DACH2: variants seen among roughly 807,000 people sequenced by gnomAD.
DACH2 encodes the protein dachshund homolog 2.
DACH2 carries 17 observed loss-of-function variants against 35.8 expected under a neutral mutation model. The observed-to-expected ratio is 0.48, with a 90% CI of 0.33 to 0.71. The LOEUF (loss-of-function observed/expected upper bound fraction) is 0.71, where lower values mean the gene tolerates loss of function less well. Ranked by LOEUF, DACH2 falls within the 30% of genes least tolerant of loss-of-function variation. DACH2 has a pLI of 0.02. For synonymous variants in DACH2, 195 were observed against 177.3 expected (o/e 1.10, Z -0.79); for missense variants, 469 against 472.7 (o/e 0.99, Z 0.07).
chrX:86,664,840 C>T (rs1218338763), intron 4 of DACH2, among the ~76,000 whole-genome samples: 1 of 112,052 alleles, frequency 8.9e-6, no homozygotes, highest in Non-Finnish European at 1.9e-5. Context: ...AGCTATTATG[C>T]AGTCAGCATT....
chrX:86,551,116 C>T (rs894109270), intron 3 of DACH2, among the ~76,000 whole-genome samples: 5 of 111,722 alleles, frequency 4.5e-5, no homozygotes, highest in African/African-American at 3.2e-5. Context: ...GTACATGAAA[C>T]GGTAATCATT....
chrX:86,382,461 TAC>T (rs55825336), intron 2 of DACH2, among the ~76,000 whole-genome samples: 573 of 94,538 alleles, frequency 6.1e-3, no homozygotes, highest in Middle Eastern at 0.011. Context: ...GCTACATTCA[TAC>T]ACACACACAC....
intron 6 of DACH2, among the ~76,000 whole-genome samples, chrX:86,727,670 G>A (rs1295363630): frequency 9.1e-6 from 1 of 110,247 alleles, no homozygotes. Flanking sequence ...AAAGGGTGTG[G>A]CACGTGCCCC....
intron 1 of DACH2, among the ~76,000 whole-genome samples, chrX:86,226,963 T>C (rs1366994298): frequency 1.8e-5 from 2 of 111,633 alleles, no homozygotes; most frequent in Admixed American, 1.9e-4. Context: ...CCTTATTTTT[T>C]GAAAATTTTT....
chrX:86,280,377 A>C (rs1336549343), intron 1 of DACH2, among the ~76,000 whole-genome samples: 1 of 112,224 alleles, frequency 8.9e-6, no homozygotes, highest in Non-Finnish European at 1.9e-5. Context: ...AAGGAGAAAT[A>C]AAATCCTTTC....
At chrX:86,329,385 G>A (rs1395088354) in intron 1 of DACH2, among the ~76,000 whole-genome samples, 15 of 110,936 alleles carry the variant, frequency 1.4e-4, no homozygotes, top group South Asian at 7.7e-4. Context: ...TTACTTAACA[G>A]CATGTAAACA....
At chrX:86,708,815 C>G (rs944600650) in intron 5 of DACH2, among the ~76,000 whole-genome samples, 1 of 110,824 alleles carries the variant, frequency 9.0e-6, no homozygotes, top group East Asian at 2.8e-4. Flanking sequence ...AAATTAGCAA[C>G]AATAATTGAA....
chrX:86,214,909 T>G (rs2032534013), intron 1 of DACH2, among the ~76,000 whole-genome samples: 1 of 111,239 alleles, frequency 9.0e-6, no homozygotes, highest in Admixed American at 9.6e-5. Flanking sequence ...ATGGAGTATA[T>G]TTTATTCAAG....
At chrX:86,201,398 A>G (rs1322171231) in intron 1 of DACH2, among the ~76,000 whole-genome samples, 3 of 110,750 alleles carry the variant, frequency 2.7e-5, no homozygotes, top group African/African-American at 9.9e-5. Flanking sequence ...ACACAAGTTT[A>G]CCTATATGAC....
intron 2 of DACH2, among the ~76,000 whole-genome samples, chrX:86,396,581 G>T (rs1220857329): frequency 1.9e-5 from 2 of 106,569 alleles, no homozygotes; most frequent in Admixed American, 2.0e-4. Flanking sequence ...TGTAAGGAAG[G>T]GATCCAGTTT....
At chrX:86,242,881 C>A (rs2033197291) in intron 1 of DACH2, among the ~76,000 whole-genome samples, 1 of 111,483 alleles carries the variant, frequency 9.0e-6, no homozygotes, top group Non-Finnish European at 1.9e-5. Flanking sequence ...GTAAGATGTG[C>A]TTGCTTCCTC....
At chrX:86,303,514 TTCAA>T (rs929399863) in intron 1 of DACH2, among the ~76,000 whole-genome samples, 7 of 110,460 alleles carry the variant, frequency 6.3e-5, no homozygotes, top group African/African-American at 2.3e-4. Flanking sequence ...AGTGGAAATG[TTCAA>T]TCAGAGGATG....
In DACH2 at chrX:86,294,718, C is replaced by G. The variant is rs1394082284; in HGVS notation, c.489-82106C>G. Reference sequence around the variant, plus strand: ...GTTTGCCCCTGCTGGGGGGTGCCTCCCAGTTAGGCTGCTCAGGGGTCAGGG... The same window carrying G: ...GTTTGCCCCTGCTGGGGGGTGCCTCGCAGTTAGGCTGCTCAGGGGTCAGGG... On this transcript the variant is annotated intron_variant, in intron 1 of 11. Coordinates refer to ENST00000373125, the MANE Select transcript of DACH2 (RefSeq NM_053281.3). Among the ~76,000 whole-genome samples, 6 of 110,220 alleles carry G rather than the reference C, an allele frequency of 5.4e-5. No homozygotes were observed. In the East Asian group the frequency reaches 1.7e-3, roughly 32 times the overall value.
Position 86,354,832 on chromosome X carries a change from A to AT in DACH2, c.489-21991dup, listed in dbSNP as rs1467751308. On this transcript the variant is annotated intron_variant, in intron 1 of 11. Coordinates refer to ENST00000373125, the MANE Select transcript of DACH2 (RefSeq NM_053281.3). ...CTTAGAGTATAATAAAAAAAATAAA[A>AT]TAAAAAAAAATAAATGAAAAAAAAA... Among the ~76,000 whole-genome samples the AT allele has an allele frequency of 2.5e-3, 35 of 13,869 alleles. 11 individuals carry two copies. Among genetic ancestry groups the AT allele is most frequent in the African/African-American group, 0.021 (29 of 1,365 alleles). 12.0% of individuals were successfully genotyped at this position (13,869 alleles called of 115,157 possible). A position where few individuals can be genotyped will look rare whatever the true frequency, so the allele number is the denominator to read the frequency against.
In DACH2 at chrX:86,340,792, C is replaced by T. The variant is rs140871653; in HGVS notation, c.489-36032C>T. On this transcript the variant is annotated intron_variant, in intron 1 of 11. Coordinates refer to ENST00000373125, the MANE Select transcript of DACH2 (RefSeq NM_053281.3). ...CACACGGATAATAAAGTGAAACAGC[C>T]GTTTGCTGATGTGAAGAAAGTTTGA... 1.9e-4 allele frequency among the ~76,000 whole-genome samples: 21 copies of T among 111,922 alleles called. 1 individual carries two copies. In the East Asian group the frequency reaches 5.7e-3, roughly 30 times the overall value.
At chrX:86,827,925 C>T in intron 11 of DACH2, 1 of 622,981 alleles carries the variant, frequency 1.6e-6, no homozygotes. Flanking sequence ...ATAAATAGAA[C>T]CTTACACATA....
intron 7 of DACH2, among the ~76,000 whole-genome samples, chrX:86,747,999 C>G (rs148921067): frequency 8.9e-6 from 1 of 111,957 alleles, no homozygotes; most frequent in African/African-American, 3.2e-5. Context: ...GAGTATATTC[C>G]GTCTCAGTAA....
At chrX:86,777,097 A>G (rs2042042027) in intron 7 of DACH2, among the ~76,000 whole-genome samples, 1 of 111,636 alleles carries the variant, frequency 9.0e-6, no homozygotes, top group African/African-American at 3.3e-5. Context: ...CTTTGGGTAT[A>G]TACCCAGCAA....
chrX:86,261,482 T>C (rs1348942112), intron 1 of DACH2, among the ~76,000 whole-genome samples: 1 of 111,984 alleles, frequency 8.9e-6, no homozygotes, highest in Non-Finnish European at 1.9e-5. Flanking sequence ...TTGACTCCAT[T>C]TTCTACTGCC....
Sources: allele counts gnomAD v4.1 joint callset (sites outside exome capture counted in the v4.1 genomes callset), GRCh38; gene constraint gnomAD v4.1.1; transcripts MANE v1.5; gene names NCBI Gene and HGNC (gene_info 2026-07-23, HGNC 2026-07-21).